FRMD6: variants seen among roughly 807,000 people sequenced by gnomAD.
FRMD6 encodes FERM domain containing 6.
FRMD6 carries 37 observed loss-of-function variants against 73.2 expected under a neutral mutation model. The ratio of observed to expected loss-of-function variants is 0.51; its 90% CI spans 0.39 to 0.66. The LOEUF (loss-of-function observed/expected upper bound fraction) is 0.66, where lower values mean the gene tolerates loss of function less well. Ranked by LOEUF, FRMD6 falls within the 30% of genes least tolerant of loss-of-function variation. The pLI is 0.00. For missense variants in FRMD6, 714 were observed against 780.5 expected, an observed-to-expected ratio of 0.91 and a Z score of 1.02; for synonymous variants, 273 against 282.2, an observed-to-expected ratio of 0.97 and a Z score of 0.33.
In FRMD6 at chr14:51,526,782, G is replaced by T. The variant is rs999423679; in HGVS notation, c.-210+37362G>T. Among the ~76,000 whole-genome samples the T allele has an allele frequency of 2.6e-5, 4 of 152,332 alleles. No homozygotes were observed. In the South Asian group the frequency reaches 8.3e-4, roughly 32 times the overall value. The stretch of plus-strand genomic sequence containing the variant: ...ACAGTGCTCAGCACACCACAGGCTT[G>T]CCGCTTTGCCTCTCTCGTTGAATTG... On this transcript the variant is annotated intron_variant, in intron 1 of 14. Coordinates refer to the FRMD6 transcript ENST00000356218.
the FRMD6 span, among the ~76,000 whole-genome samples, chr14:51,418,329 A>G: frequency 6.6e-6 from 1 of 152,064 alleles, no homozygotes; most frequent in African/African-American, 2.4e-5. Context: ...GACCATCATC[A>G]TGGGGTTTTG....
At chr14:51,575,577 G>C (rs1366502909) in intron 2 of FRMD6, 1 of 152,248 alleles carries the variant, frequency 6.6e-6, no homozygotes, top group African/African-American at 2.4e-5. Flanking sequence ...AGAACTTTAA[G>C]TCTGCTGGTC....
At chr14:51,505,192 A>G (rs1883884066) in intron 1 of FRMD6, among the ~76,000 whole-genome samples, 1 of 152,150 alleles carries the variant, frequency 6.6e-6, no homozygotes, top group Non-Finnish European at 1.5e-5. Context: ...AACTTTTCAC[A>G]CTATTTAGGA....
At chr14:51,687,613 A>G (rs551294349) in intron 1 of FRMD6, among the ~76,000 whole-genome samples, 1 of 152,268 alleles carries the variant, frequency 6.6e-6, no homozygotes, top group East Asian at 1.9e-4. Flanking sequence ...AAATATAAGA[A>G]GTTGCCTGCA....
At chr14:51,554,750 A>G (rs1481287545) in intron 1 of FRMD6, 1 of 152,256 alleles carries the variant, frequency 6.6e-6, no homozygotes, top group Non-Finnish European at 1.5e-5. Context: ...GTCTAAGGAC[A>G]CATCCAATTT....
chr14:51,429,881 C>T, the FRMD6 span, among the ~76,000 whole-genome samples: 1 of 152,124 alleles, frequency 6.6e-6, no homozygotes, highest in African/African-American at 2.4e-5. Context: ...ACAGAAAACA[C>T]ACAACTCATC....
intron 2 of FRMD6, among the ~76,000 whole-genome samples, chr14:51,642,199 G>C (rs888923032): frequency 5.3e-5 from 8 of 151,958 alleles, no homozygotes; most frequent in African/African-American, 1.9e-4. Context: ...AACATAGTGA[G>C]AGAGAGAGAG....
rs778547825 is a variant in FRMD6 at position 51,670,646 on chromosome 14, CT to C, written c.-147+18663del. On this transcript the variant is annotated intron_variant, in intron 1 of 13. Coordinates refer to ENST00000344768, the MANE Select transcript of FRMD6 (RefSeq NM_001267046.2). ...TACATTTTTATATATTTAGTTAGGTCTTTTTTTTTTTTTCTTTGAGATGGAG... is the reference window on the plus strand; with the variant it reads ...TACATTTTTATATATTTAGTTAGGTCTTTTTTTTTTTTCTTTGAGATGGAG... Among the ~76,000 whole-genome samples, 1,203 of 142,806 alleles carry C rather than the reference CT, an allele frequency of 8.4e-3. 7 individuals carry two copies. The highest frequency in any genetic ancestry group is 0.026 in the Middle Eastern group (7 of 274). The allele number at this position is 142,806 out of a possible 152,430, so 93.7% of individuals were successfully genotyped here. A position where few individuals can be genotyped will look rare whatever the true frequency, so the allele number is the denominator to read the frequency against.
chr14:51,710,237 G>C (rs1242250372), intron 7 of FRMD6, among the ~76,000 whole-genome samples: 1 of 152,118 alleles, frequency 6.6e-6, no homozygotes, highest in Non-Finnish European at 1.5e-5. Flanking sequence ...TGGGGGAAAA[G>C]ATATTGGCTG....
At chr14:51,473,366 G>A in the FRMD6 span, among the ~76,000 whole-genome samples, 2 of 152,168 alleles carry the variant, frequency 1.3e-5, no homozygotes, top group East Asian at 3.8e-4. Context: ...AACCGCGCAT[G>A]GCCACCATCA....
At chr14:51,439,568 G>T in the FRMD6 span, among the ~76,000 whole-genome samples, 53,458 of 151,978 alleles carry the variant, frequency 0.35, 9,824 homozygotes, top group Non-Finnish European at 0.4. Context: ...CAGACTATTA[G>T]GAAGGCAGGT....
chr14:51,454,456 G>C, the FRMD6 span: 12 of 152,320 alleles, frequency 7.9e-5, no homozygotes, highest in Admixed American at 2.0e-4. Flanking sequence ...CTCCTGAGAA[G>C]AGCAGATAAT....
chr14:51,414,640 CT>C, the FRMD6 span, among the ~76,000 whole-genome samples: 1 of 152,108 alleles, frequency 6.6e-6, no homozygotes, highest in Non-Finnish European at 1.5e-5. Flanking sequence ...AATGCAGGCT[CT>C]TTTTTGGTTT....
chr14:51,508,605 G>A (rs1225995240), intron 1 of FRMD6, among the ~76,000 whole-genome samples: 1 of 152,134 alleles, frequency 6.6e-6, no homozygotes, highest in Non-Finnish European at 1.5e-5. Context: ...TTTCTCAAAA[G>A]GCTAAGGCAT....
chr14:51,495,566 G>A (rs1883248840), intron 1 of FRMD6, among the ~76,000 whole-genome samples: 1 of 152,206 alleles, frequency 6.6e-6, no homozygotes, highest in Admixed American at 6.5e-5. Context: ...AGGCTGCCCT[G>A]TTCTTTATTA....
intron 9 of FRMD6, 41 bp from the exon 10 acceptor site, chr14:51,715,284 G>T (rs371467775): frequency 7.0e-7 from 1 of 1,433,854 alleles, no homozygotes; most frequent in Non-Finnish European, 9.3e-7. Context: ...GCAAATCAGA[G>T]ATTTTTCTTC....
At chr14:51,517,605 A>G (rs1566788951) in intron 1 of FRMD6, among the ~76,000 whole-genome samples, 1 of 152,052 alleles carries the variant, frequency 6.6e-6, no homozygotes, top group Non-Finnish European at 1.5e-5. Context: ...TGATCCTGAA[A>G]AACATCAGTT....
chr14:51,590,969 G>C (rs114145366), intron 2 of FRMD6, among the ~76,000 whole-genome samples: 2,582 of 152,270 alleles, frequency 0.017, 79 homozygotes, highest in African/African-American at 0.057. Context: ...GCTCAGCCTG[G>C]ATTCTAATAT....
At chr14:51,402,945 A>G in the FRMD6 span, among the ~76,000 whole-genome samples, 57 of 150,574 alleles carry the variant, frequency 3.8e-4, no homozygotes, top group African/African-American at 1.3e-3. Context: ...GCTAGGGTAT[A>G]TCTTTATCAG....
Sources: allele counts gnomAD v4.1 joint callset (sites outside exome capture counted in the v4.1 genomes callset), GRCh38; gene constraint gnomAD v4.1.1; transcripts MANE v1.5; gene names NCBI Gene and HGNC (gene_info 2026-07-23, HGNC 2026-07-21).